FSTL5: variants seen among roughly 807,000 people sequenced by gnomAD.
FSTL5 encodes the protein follistatin like 5.
Under a neutral mutation model 89.1 loss-of-function variants are expected in FSTL5, and 62 were observed. That is an observed-to-expected ratio of 0.70 (90% CI 0.57 to 0.86). The LOEUF is 0.86. FSTL5 is among the 40% of genes least tolerant of loss of function. FSTL5 has a pLI of 0.00. For synonymous variants in FSTL5, 383 were observed against 346.2 expected, an observed-to-expected ratio of 1.11 and a Z score of -1.18; for missense variants, 1,057 against 1,001.6, an observed-to-expected ratio of 1.06 and a Z score of -0.75.
In FSTL5 at chr4:161,386,019, C is replaced by T. The variant is rs1002855822; in HGVS notation, c.2272G>A (p.Gly758Ser). Reference sequence around the variant, plus strand: ...ACATCAGTTTGTGTGCTTGAACTACCGTAGATGTTATATTGGTGGGCTTCA... The same window carrying T: ...ACATCAGTTTGTGTGCTTGAACTACTGTAGATGTTATATTGGTGGGCTTCA... ...FTEAHQYNIYGSSSTQTDVLF... is the reference protein window; with the variant it reads ...FTEAHQYNIYSSSSTQTDVLF... The change falls in exon 16 of 16, where the codon GGT becomes AGT. Residue 758 changes from glycine (G) to serine (S), a missense_variant. By Grantham distance (56) the Gly-to-Ser change is moderately conservative (BLOSUM62 0). Coordinates refer to ENST00000306100, the MANE Select transcript of FSTL5 (RefSeq NM_020116.5). The T allele has an allele frequency of 7.4e-6, 12 of 1,613,760 alleles. No homozygotes were observed. The highest frequency in any genetic ancestry group is 4.4e-5 in the South Asian group (4 of 91,086).
At chr4:161,418,490 T>C (rs951643531) in intron 15 of FSTL5, among the ~76,000 whole-genome samples, 1 of 152,208 alleles carries the variant, frequency 6.6e-6, no homozygotes, top group African/African-American at 2.4e-5. Flanking sequence ...CAAATATTTA[T>C]TTCTTGATTT....
chr4:161,934,322 G>A (rs975802385), intron 3 of FSTL5, among the ~76,000 whole-genome samples: 1 of 151,918 alleles, frequency 6.6e-6, no homozygotes, highest in Non-Finnish European at 1.5e-5. Context: ...AGAAACTCAG[G>A]GGATCTTAAT....
intron 6 of FSTL5, among the ~76,000 whole-genome samples, chr4:161,715,187 A>G (rs1738933383): frequency 6.6e-6 from 1 of 152,156 alleles, no homozygotes; most frequent in African/African-American, 2.4e-5. Flanking sequence ...AGCATTTACC[A>G]TATATGTAGG....
At chr4:161,404,822 T>TA (rs564281044) in intron 15 of FSTL5, among the ~76,000 whole-genome samples, 15 of 147,206 alleles carry the variant, frequency 1.0e-4, no homozygotes, top group Non-Finnish European at 2.0e-4. Context: ...ATGCAATATA[T>TA]AAAAAAAAAC....
intron 2 of FSTL5, among the ~76,000 whole-genome samples, chr4:162,051,205 TG>T (rs923427422): frequency 2.0e-5 from 3 of 151,378 alleles, no homozygotes; most frequent in South Asian, 2.1e-4. Context: ...TGTAGAGAAT[TG>T]GGGGGAATAT....
chr4:162,092,872 C>T (rs753511291), intron 2 of FSTL5, among the ~76,000 whole-genome samples: 1 of 140,934 alleles, frequency 7.1e-6, no homozygotes, highest in African/African-American at 2.7e-5. Context: ...TCACTTGTAC[C>T]GGGGAGGCAG....
chr4:161,862,982 A>C (rs1239175691), intron 4 of FSTL5, among the ~76,000 whole-genome samples: 1 of 152,192 alleles, frequency 6.6e-6, no homozygotes, highest in Non-Finnish European at 1.5e-5. Flanking sequence ...GATTTGATCA[A>C]ATTGGCTACA....
chr4:161,804,818 C>G (rs199572572), intron 4 of FSTL5, among the ~76,000 whole-genome samples: 316 of 152,034 alleles, frequency 2.1e-3, no homozygotes, highest in Non-Finnish European at 2.8e-3. Flanking sequence ...ATCTAAATTG[C>G]AATTGTTGTG....
intron 6 of FSTL5, among the ~76,000 whole-genome samples, chr4:161,700,566 A>T (rs1360209802): frequency 1.3e-5 from 2 of 151,834 alleles, no homozygotes; most frequent in African/African-American, 4.8e-5. Context: ...GGTAGAGATG[A>T]GGTTTTGCTA....
intron 7 of FSTL5, among the ~76,000 whole-genome samples, chr4:161,588,084 C>CA (rs1733679779): frequency 1.3e-5 from 2 of 152,040 alleles, no homozygotes. Flanking sequence ...TGAGGCAGGA[C>CA]AATTGCTTGA....
At chr4:161,394,431 G>A (rs867402762) in intron 15 of FSTL5, among the ~76,000 whole-genome samples, 3 of 151,908 alleles carry the variant, frequency 2.0e-5, no homozygotes, top group South Asian at 2.1e-4. Flanking sequence ...GCGTGCCACC[G>A]TGCCCGGCAA....
intron 2 of FSTL5, among the ~76,000 whole-genome samples, chr4:162,108,558 A>C (rs78199425): frequency 0.046 from 6,972 of 151,922 alleles, 367 homozygotes; most frequent in East Asian, 0.27. Flanking sequence ...ACATTAGCAA[A>C]ATATAATCTA....
intron 4 of FSTL5, among the ~76,000 whole-genome samples, chr4:161,903,755 T>C (rs999801242): frequency 1.4e-5 from 2 of 140,030 alleles, no homozygotes; most frequent in African/African-American, 5.2e-5. Context: ...TATATGAATT[T>C]TTCAAAGTAC....
chr4:161,619,527 G>A (rs548653651), intron 7 of FSTL5, among the ~76,000 whole-genome samples: 137 of 152,210 alleles, frequency 9.0e-4, no homozygotes, highest in African/African-American at 2.6e-3. Flanking sequence ...AAAAGTGGGC[G>A]AAGGACATGA....
chr4:161,947,454 C>T (rs201911763), intron 3 of FSTL5, among the ~76,000 whole-genome samples: 1 of 151,974 alleles, frequency 6.6e-6, no homozygotes, highest in African/African-American at 2.4e-5. Flanking sequence ...ATTCTTTTTT[C>T]ACCCTATAAT....
At chr4:161,877,947 C>T (rs1376390210) in intron 4 of FSTL5, among the ~76,000 whole-genome samples, 1 of 151,154 alleles carries the variant, frequency 6.6e-6, no homozygotes, top group Admixed American at 6.6e-5. Context: ...AGTAACTGCG[C>T]CCGGCACCAA....
chr4:162,012,711 A>G (rs1038621385), intron 3 of FSTL5, among the ~76,000 whole-genome samples: 2 of 152,160 alleles, frequency 1.3e-5, no homozygotes, highest in Admixed American at 6.5e-5. Flanking sequence ...ATAAGGAAGA[A>G]TTTAGACATA....
chr4:161,819,654 TG>T (rs141380331), intron 4 of FSTL5, among the ~76,000 whole-genome samples: 7,133 of 152,086 alleles, frequency 0.047, 211 homozygotes, highest in Non-Finnish European at 0.07. Context: ...GAAGAAAATT[TG>T]GGGCTAGAAA....
intron 1 of FSTL5, among the ~76,000 whole-genome samples, chr4:162,148,291 C>T (rs74942641): frequency 0.23 from 35,360 of 152,002 alleles, 4,303 homozygotes; most frequent in Non-Finnish European, 0.26. Flanking sequence ...TAGCCTGTCA[C>T]TGAAAAATGG....
Sources: gnomAD v4.1 joint callset for allele counts (sites outside exome capture counted in the v4.1 genomes callset) on GRCh38, gnomAD v4.1.1 for gene constraint, MANE v1.5 for transcripts, NCBI Gene and HGNC (gene_info 2026-07-23, HGNC 2026-07-21) for gene names.